ANO2: variants seen among roughly 807,000 people sequenced by gnomAD.
The protein encoded by ANO2 is anoctamin-2.
ANO2 carries 101 observed loss-of-function variants against 124.2 expected under a neutral mutation model. The observed-to-expected ratio is 0.81, with a 90% CI of 0.69 to 0.96. ANO2 has a LOEUF of 0.96. Ranked by LOEUF, ANO2 falls within the 40% of genes least tolerant of loss-of-function variation. The pLI, the probability that ANO2 is intolerant of heterozygous loss-of-function variation, is 0.00. For missense variants in ANO2, 1,293 were observed against 1,274.5 expected (o/e 1.01, Z -0.22); for synonymous variants, 486 against 482.5 (o/e 1.01, Z -0.09).
intron 1 of ANO2, among the ~76,000 whole-genome samples, chr12:5,936,369 A>G (rs1942654047): frequency 6.6e-6 from 1 of 152,222 alleles, no homozygotes; most frequent in Non-Finnish European, 1.5e-5. Flanking sequence ...AGCAGAATTA[A>G]GAAGTGGGTC....
In ANO2 at chr12:5,638,244, T is replaced by C. The variant is rs1421697850; in HGVS notation, c.1621-2897A>G. Among the ~76,000 whole-genome samples the C allele has an allele frequency of 4.2e-5, 6 of 141,484 alleles. 1 individual carries two copies. Among genetic ancestry groups the C allele is most frequent in the African/African-American group, 1.5e-4 (6 of 38,710 alleles). The allele number at this position is 141,484 out of a possible 152,430, so 92.8% of individuals were successfully genotyped here. On this transcript the variant is annotated intron_variant, in intron 15 of 24. Transcript: ENST00000682330. ...CTAGCACTGTTTCTTTTCCTTTTTTTTTTTTTTTTGAGACGGAGTCTCACT... is the reference window on the plus strand; with the variant it reads ...CTAGCACTGTTTCTTTTCCTTTTTTCTTTTTTTTTGAGACGGAGTCTCACT...
At chr12:5,883,502 G>GGTGTGTGGGTGT (rs1938654244) in intron 3 of ANO2, among the ~76,000 whole-genome samples, 1 of 144,582 alleles carries the variant, frequency 6.9e-6, no homozygotes, top group African/African-American at 2.6e-5. Flanking sequence ...ACATTAGGGT[G>GGTGTGTGGGTGT]GTGTGTGTGT....
In ANO2 at chr12:5,862,432, A is replaced by G. The variant is rs1955298246; in HGVS notation, c.535-8291T>C. Among the ~76,000 whole-genome samples the G allele has an allele frequency of 1.3e-5, 2 of 152,178 alleles. No homozygotes were observed. Among genetic ancestry groups the G allele is most frequent in the South Asian group, 4.1e-4 (2 of 4,828 alleles). ...ACTTTTGTCGTATTTCTGGGTGCCAACCTGGACAGACACGCAGAACGGGTG... is the reference window on the plus strand; with the variant it reads ...ACTTTTGTCGTATTTCTGGGTGCCAGCCTGGACAGACACGCAGAACGGGTG... On this transcript the variant is annotated intron_variant, in intron 3 of 24. Transcript: ENST00000682330. The surrounding 1 kb of genome is among the most constrained non-coding windows in gnomAD (Gnocchi z 4.0).
Position 5,563,547 on chromosome 12 carries a change from C to T in ANO2, c.2749G>A (p.Val917Ile), listed in dbSNP as rs781231821. Reference sequence around the variant, plus strand: ...TCTGGAATCATCCAGTCCACGAGGACGCTCAGGAACATCACGAGGTTCTGC... The same window carrying T: ...TCTGGAATCATCCAGTCCACGAGGATGCTCAGGAACATCACGAGGTTCTGC... ...IFQNLVMFLS[V>I]LVDWMIPDIP... The change falls in exon 25 of 25, where the codon GTC becomes ATC. Residue 917 changes from valine to isoleucine, a missense_variant. Physicochemically the swap from Val to Ile is conservative, Grantham distance 29. Transcript: ENST00000682330. The T allele has an allele frequency of 5.6e-5, 91 of 1,613,838 alleles. No homozygotes were observed. The highest frequency in any genetic ancestry group is 4.6e-4 in the South Asian group (42 of 91,086).
chr12:5,920,212 T>C (rs1215774673), intron 3 of ANO2, among the ~76,000 whole-genome samples: 1 of 151,986 alleles, frequency 6.6e-6, no homozygotes, highest in Non-Finnish European at 1.5e-5. Context: ...AGCTTATAGG[T>C]TGATAAAATA....
intron 3 of ANO2, among the ~76,000 whole-genome samples, chr12:5,916,791 T>C (rs1027545105): frequency 6.6e-6 from 1 of 151,268 alleles, no homozygotes; most frequent in Non-Finnish European, 1.5e-5. Flanking sequence ...GCCTGCGAGG[T>C]AGCAGGCAGT....
At chr12:5,836,850 AT>A (rs1360572482) in intron 4 of ANO2, 1 of 154,328 alleles carries the variant, frequency 6.5e-6, no homozygotes, top group Non-Finnish European at 1.5e-5. Flanking sequence ...ATAAGCCCTA[AT>A]TCCTTTTTTT....
chr12:5,620,549 A>G (rs958986407), intron 16 of ANO2, among the ~76,000 whole-genome samples: 3 of 152,162 alleles, frequency 2.0e-5, no homozygotes, highest in African/African-American at 2.4e-5. Context: ...TTGGAATTCT[A>G]TAGGAGTTGA....
chr12:5,772,364 G>C (rs1408069436), intron 10 of ANO2, among the ~76,000 whole-genome samples: 1 of 151,856 alleles, frequency 6.6e-6, no homozygotes, highest in Non-Finnish European at 1.5e-5. Context: ...CACCTACCAA[G>C]TGTAATCTAC....
At chr12:5,939,408 T>G (rs2136325268) in intron 1 of ANO2, among the ~76,000 whole-genome samples, 1 of 152,220 alleles carries the variant, frequency 6.6e-6, no homozygotes, top group African/African-American at 2.4e-5. Flanking sequence ...ACCTACCGTG[T>G]GTCAGGCTGC....
chr12:5,591,328 T>C (rs1040032390), intron 20 of ANO2, among the ~76,000 whole-genome samples: 7 of 152,250 alleles, frequency 4.6e-5, no homozygotes, highest in Admixed American at 3.3e-4. Flanking sequence ...TTTAGGGGGA[T>C]AGTAAGTGAT....
At chr12:5,783,158 C>T (rs1802142633) in intron 10 of ANO2, among the ~76,000 whole-genome samples, 1 of 152,388 alleles carries the variant, frequency 6.6e-6, no homozygotes, top group African/African-American at 2.4e-5. Flanking sequence ...CCATCTCTCA[C>T]ACAAATGCCT....
chr12:5,590,288 A>C (rs112778700), intron 20 of ANO2, among the ~76,000 whole-genome samples: 1 of 152,112 alleles, frequency 6.6e-6, no homozygotes, highest in Non-Finnish European at 1.5e-5. Context: ...TCTTCTTCCA[A>C]TGTGGCCCAG....
At position 5,750,883 on chromosome 12, in the gene ANO2, C is replaced by A; in HGVS notation, c.1143G>T (p.Val381=). 6.2e-7 allele frequency: 1 copy of A among 1,612,834 alleles called. No individual in the cohort carries two copies. The highest frequency in any genetic ancestry group is 1.1e-5 in the South Asian group (1 of 90,664). Residue 381 remains valine (V), a synonymous_variant, in exon 11 of 25, where the codon GTG becomes GTT. Transcript: ENST00000682330. ...SFLIPSSVIG[V]IVFLYGCATI... Reference sequence around the variant, plus strand: ...TTGCACATCCATAAAGAAACACAATCACTCCAATTACAGAAGATGGGATGA... The same window carrying A: ...TTGCACATCCATAAAGAAACACAATAACTCCAATTACAGAAGATGGGATGA...
At chr12:5,680,961 C>G (rs539240932) in intron 14 of ANO2, among the ~76,000 whole-genome samples, 1 of 152,250 alleles carries the variant, frequency 6.6e-6, no homozygotes, top group East Asian at 1.9e-4. Flanking sequence ...CAGGGAAGAG[C>G]AGAAGAGTTC....
At chr12:5,743,352 TCAGA>T (rs1261264416) in intron 12 of ANO2, among the ~76,000 whole-genome samples, 1 of 152,116 alleles carries the variant, frequency 6.6e-6, no homozygotes, top group East Asian at 1.9e-4. Context: ...AGGTGGCTAC[TCAGA>T]TGGGCTGACA....
At chr12:5,860,758 C>T (rs537006727) in intron 3 of ANO2, among the ~76,000 whole-genome samples, 2 of 152,250 alleles carry the variant, frequency 1.3e-5, no homozygotes, top group East Asian at 3.9e-4. Flanking sequence ...GCCCCAGATG[C>T]TCACCACATT....
chr12:5,674,985 C>T (rs1405182819), intron 14 of ANO2, among the ~76,000 whole-genome samples: 1 of 152,052 alleles, frequency 6.6e-6, no homozygotes, highest in Non-Finnish European at 1.5e-5. Context: ...AGTCGAGTTG[C>T]CCAAGGTCAC....
intron 1 of ANO2, among the ~76,000 whole-genome samples, chr12:5,928,217 G>T (rs1167451019): frequency 6.6e-6 from 1 of 152,026 alleles, no homozygotes; most frequent in African/African-American, 2.4e-5. Flanking sequence ...TTTCCCTCTT[G>T]GCATCATTAC....
Sources: gnomAD v4.1 joint callset for allele counts (sites outside exome capture counted in the v4.1 genomes callset) on GRCh38, gnomAD v4.1.1 for gene constraint, Gnocchi (gnomAD v3.1) non-coding constraint, MANE v1.5 for transcripts, NCBI Gene and HGNC (gene_info 2026-07-23, HGNC 2026-07-21) for gene names.